ZDBF2: variants seen among roughly 807,000 people sequenced by gnomAD.
ZDBF2 encodes the protein DBF4-type zinc finger-containing protein 2.
ZDBF2 carries 6 observed loss-of-function variants against 9.4 expected under a neutral mutation model. That is an observed-to-expected ratio of 0.64 (90% CI 0.35 to 1.27). ZDBF2 has a LOEUF of 1.27. ZDBF2 is among the 50% of genes most tolerant of loss of function. The pLI, the probability that ZDBF2 is intolerant of heterozygous loss-of-function variation, is 0.03. For synonymous variants in ZDBF2, 905 were observed against 946.3 expected, an observed-to-expected ratio of 0.96 and a Z score of 0.80; for missense variants, 2,697 against 2,766.8, an observed-to-expected ratio of 0.97 and a Z score of 0.57.
In ZDBF2 at chr2:206,275,226, G is replaced by T. The variant is rs1448899; in HGVS notation, c.-103+280G>T. On this transcript the variant is annotated intron_variant, in intron 1 of 4. Transcript: ENST00000374423. ...CGCTTCTGTCCGGGGCCCTGGGTCA[G>T]AGGGGCCGGCGGACGAGGCCTCGGG... Among the ~76,000 whole-genome samples the T allele has an allele frequency of 2.2e-3, 340 of 152,252 alleles. 1 individual carries two copies. The highest frequency in any genetic ancestry group is 7.5e-3 in the African/African-American group (310 of 41,566).
chr2:206,297,448 A>G (rs1223044179), intron 4 of ZDBF2, 75 bp downstream of exon 4: 1 of 1,297,680 alleles, frequency 7.7e-7, no homozygotes, highest in East Asian at 2.6e-5. Flanking sequence ...TGTCCCAATC[A>G]ATACTTTAAG....
At position 206,312,365 on chromosome 2, in the gene ZDBF2, C is replaced by A. The variant is rs1693236473; in HGVS notation, c.*772C>A. 6.6e-6 allele frequency: 1 copy of A among 151,900 alleles called. No homozygotes were observed. The highest frequency in any genetic ancestry group is 6.6e-5 in the Admixed American group (1 of 15,248). The allele number at this position is 151,900 out of a possible 1,614,324, so 9.4% of individuals were successfully genotyped here. On this transcript the variant is annotated 3_prime_UTR_variant, in exon 5 of 5. Transcript: ENST00000374423. ...TCCAGGTTATTTTGTGGCCTTATCCCCTAAAAATATTTTAGGCATTACCAT... is the reference window on the plus strand; with the variant it reads ...TCCAGGTTATTTTGTGGCCTTATCCACTAAAAATATTTTAGGCATTACCAT...
intron 3 of ZDBF2, among the ~76,000 whole-genome samples, chr2:206,286,405 C>T (rs1691601368): frequency 6.6e-6 from 1 of 151,838 alleles, no homozygotes; most frequent in South Asian, 2.1e-4. Flanking sequence ...TGAGTTGATC[C>T]CTTTATCATT....
intron 3 of ZDBF2, 141 bp downstream of exon 3, chr2:206,282,050 A>G: frequency 1.4e-6 from 1 of 731,644 alleles, no homozygotes; most frequent in Non-Finnish European, 2.1e-6. Context: ...TTAAGGTTCT[A>G]GGGATATGAC....
chr2:206,309,374 C>G lies in ZDBF2; in HGVS notation c.4846C>G (p.Pro1616Ala), dbSNP rs1247596849. ...RKKDYIILGE[P>A]SCQSCGSEMN... ...GAAGGACTATATTATTCTGGGAGAG[C>G]CAAGTTGTCAATCTTGTGGTTCTGA... The change falls in exon 5 of 5, where the codon CCA (proline) becomes GCA (alanine). Residue 1616 changes from proline to alanine, a missense_variant. Physicochemically the swap from Pro to Ala is conservative, Grantham distance 27. Around this residue, in one of 3 missense-constraint regions of ZDBF2, gnomAD observed 1,783 missense variants for 1,776.5 expected, o/e 1.00. Coordinates refer to ENST00000374423, the MANE Select transcript of ZDBF2 (RefSeq NM_020923.3). 6.2e-7 allele frequency: 1 copy of G among 1,613,420 alleles called. No individual in the cohort carries two copies. The highest frequency in any genetic ancestry group is 8.5e-7 in the Non-Finnish European group (1 of 1,179,730).
At chr2:206,290,105 A>G (rs10206923) in intron 3 of ZDBF2, among the ~76,000 whole-genome samples, 3,719 of 152,264 alleles carry the variant, frequency 0.024, 108 homozygotes, top group African/African-American at 0.069. Context: ...CATTTGTTGA[A>G]GACTATCCTT....
At chr2:206,284,024 C>T (rs1691471922) in intron 3 of ZDBF2, among the ~76,000 whole-genome samples, 1 of 152,142 alleles carries the variant, frequency 6.6e-6, no homozygotes, top group African/African-American at 2.4e-5. Flanking sequence ...TGCTGTTTTG[C>T]TTATGTTTTT....
rs753037427 is a variant in ZDBF2 at position 206,308,003 on chromosome 2, G to T, written c.3475G>T (p.Glu1159Ter). Residue 1159 changes from glutamate (E) to a stop codon, truncating the protein, a stop_gained, in exon 5 of 5, where the codon GAA (glutamate) becomes TAA (stop). Coordinates refer to ENST00000374423, the MANE Select transcript of ZDBF2 (RefSeq NM_020923.3). LOFTEE classifies it low-confidence loss of function (END_TRUNC). ...TAAGAACAGCCAATATAGTTGTTCAGAAATGAATTTGGATTCTGGTTTCTT... is the reference window on the plus strand; with the variant it reads ...TAAGAACAGCCAATATAGTTGTTCATAAATGAATTTGGATTCTGGTTTCTT... ...EVKNSQYSCSEMNLDSGFLGQ... is the reference protein window; with the variant it reads ...EVKNSQYSCS 6.2e-7 allele frequency: 1 copy of T among 1,613,874 alleles called. No individual in the cohort carries two copies. The highest frequency in any genetic ancestry group is 8.5e-7 in the Non-Finnish European group (1 of 1,179,818).
In ZDBF2 at chr2:206,311,107, G is replaced by T; in HGVS notation, c.6579G>T (p.Lys2193Asn). The change falls in exon 5 of 5, where the codon AAG (lysine) becomes AAT (asparagine). Residue 2193 changes from lysine to asparagine, a missense_variant. Physicochemically the swap from Lys to Asn is moderately conservative, Grantham distance 94 (BLOSUM62 0). Coordinates refer to ENST00000374423, the MANE Select transcript of ZDBF2 (RefSeq NM_020923.3). ...TSSNKLGFPK[K>N]VYKPIILQQK... The stretch of plus-strand genomic sequence containing the variant: ...GTAATAAGCTAGGTTTTCCCAAAAA[G>T]GTTTATAAACCAATTATTCTCCAGC... The T allele has an allele frequency of 1.2e-6, 2 of 1,613,408 alleles. No homozygotes were observed. Among genetic ancestry groups the T allele is most frequent in the Non-Finnish European group, 1.7e-6 (2 of 1,179,792 alleles).
Position 206,308,189 on chromosome 2 carries a change from A to G in ZDBF2, c.3661A>G (p.Ile1221Val), listed in dbSNP as rs2105961452. 1 of 1,613,872 alleles carries G rather than the reference A, an allele frequency of 6.2e-7. No individual in the cohort carries two copies. Among genetic ancestry groups the G allele is most frequent in the South Asian group, 1.1e-5 (1 of 91,060 alleles). Residue 1221 changes from isoleucine to valine, a missense_variant, in exon 5 of 5, where the codon ATA (isoleucine) becomes GTA (valine). Around this residue, in one of 3 missense-constraint regions of ZDBF2, gnomAD observed 1,783 missense variants for 1,776.5 expected, o/e 1.00. Transcript: ENST00000374423. Reference sequence around the variant, plus strand: ...CCGGCTGAGAGAAACCGTTAAAGAAATAAGCCTTTGGAAGGATGAAGAAGT... The same window carrying G: ...CCGGCTGAGAGAAACCGTTAAAGAAGTAAGCCTTTGGAAGGATGAAGAAGT... ...ADRLRETVKE[I>V]SLWKDEEVDT... is the part of the protein sequence containing the mutation.
intron 3 of ZDBF2, among the ~76,000 whole-genome samples, chr2:206,288,429 G>A (rs567220281): frequency 3.6e-4 from 55 of 152,312 alleles, no homozygotes; most frequent in African/African-American, 1.3e-3. Context: ...TGATGTCAAG[G>A]GCTTCTGGGA....
In ZDBF2 at chr2:206,308,876, T is replaced by A; in HGVS notation, c.4348T>A (p.Cys1450Ser). 6.2e-7 allele frequency: 1 copy of A among 1,612,912 alleles called. No homozygotes were observed. Among genetic ancestry groups the A allele is most frequent in the South Asian group, 1.1e-5 (1 of 90,762 alleles). Reference protein sequence around the residue: ...NDLENKNCEVCGSEIKCHSCV... With the variant: ...NDLENKNCEVSGSEIKCHSCV... ...TCTAGAAAATAAGAACTGTGAAGTCTGTGGTTCTGAAATAAAATGTCATTC... is the reference window on the plus strand; with the variant it reads ...TCTAGAAAATAAGAACTGTGAAGTCAGTGGTTCTGAAATAAAATGTCATTC... Residue 1450 changes from cysteine (C) to serine (S), a missense_variant, in exon 5 of 5, where the codon TGT (cysteine) becomes AGT (serine). Physicochemically the swap from Cys to Ser is moderately radical, Grantham distance 112. Transcript: ENST00000374423.
intron 3 of ZDBF2, among the ~76,000 whole-genome samples, chr2:206,296,299 C>G (rs1161329698): frequency 6.6e-6 from 1 of 152,200 alleles, no homozygotes; most frequent in Non-Finnish European, 1.5e-5. Context: ...CATTGTCCCA[C>G]TCAGGACATG....
intron 3 of ZDBF2, among the ~76,000 whole-genome samples, chr2:206,290,774 C>T (rs998381906): frequency 2.0e-5 from 3 of 152,074 alleles, no homozygotes; most frequent in Non-Finnish European, 4.4e-5. Flanking sequence ...TTTCTATGTA[C>T]TACATTATGT....
At chr2:206,298,945 A>G (rs969567026) in intron 4 of ZDBF2, among the ~76,000 whole-genome samples, 2 of 151,844 alleles carry the variant, frequency 1.3e-5, no homozygotes, top group Non-Finnish European at 2.9e-5. Context: ...CTATGGCACA[A>G]TCTTGGCTCA....
At chr2:206,281,967 T>TA in intron 3 of ZDBF2, 58 bp downstream of exon 3, 2 of 1,393,826 alleles carry the variant, frequency 1.4e-6, no homozygotes, top group South Asian at 1.3e-5. Flanking sequence ...GACTTTCTCT[T>TA]ACATTTTATT....
At chr2:206,298,070 A>G (rs1039289778) in intron 4 of ZDBF2, among the ~76,000 whole-genome samples, 2 of 152,208 alleles carry the variant, frequency 1.3e-5, no homozygotes, top group East Asian at 1.9e-4. Flanking sequence ...ATCCACATTA[A>G]TAGAACTCTT....
At position 206,307,101 on chromosome 2, in the gene ZDBF2, T is replaced by C. The variant is rs1692844053; in HGVS notation, c.2573T>C (p.Ile858Thr). 7 of 1,612,028 alleles carry C rather than the reference T, an allele frequency of 4.3e-6. No individual in the cohort carries two copies. Among genetic ancestry groups the C allele is most frequent in the Non-Finnish European group, 4.2e-6 (5 of 1,179,302 alleles). The change falls in exon 5 of 5, where the codon ATT becomes ACT. Residue 858 changes from isoleucine to threonine, a missense_variant. Physicochemically the swap from Ile to Thr is moderately conservative, Grantham distance 89. Coordinates refer to ENST00000374423, the MANE Select transcript of ZDBF2 (RefSeq NM_020923.3). ...GAAGTAATTCAGAAAGAAGAGTACA[T>C]TCACTTAGAAAGGAAGAATGATGAA... ...VKEVIQKEEY[I>T]HLERKNDEPS...
Position 206,310,555 on chromosome 2 carries a change from C to A in ZDBF2, c.6027C>A (p.Val2009=). 1 of 1,613,522 alleles carries A rather than the reference C, an allele frequency of 6.2e-7. No homozygotes were observed. The highest frequency in any genetic ancestry group is 1.1e-5 in the South Asian group (1 of 90,978). Residue 2009 remains valine, a synonymous_variant, in exon 5 of 5, where the codon GTC becomes GTA. Coordinates refer to ENST00000374423, the MANE Select transcript of ZDBF2 (RefSeq NM_020923.3). The part of the protein sequence containing the change: ...VLKPMQPKAL[V]CVLSSLNIKL... ...AGCCTATGCAACCCAAAGCCTTAGT[C>A]TGTGTTCTTTCTTCTTTAAATATTA...
Sources: gnomAD v4.1 joint callset for allele counts (sites outside exome capture counted in the v4.1 genomes callset) on GRCh38, gnomAD v4.1.1 for gene constraint, gnomAD v4.1.1 regional missense constraint, MANE v1.5 for transcripts, NCBI Gene and HGNC (gene_info 2026-07-23, HGNC 2026-07-21) for gene names.